The following TAF3 variants were observed in gnomAD, a reference collection of about 807,000 sequenced individuals.
TAF3 encodes the protein transcription initiation factor TFIID subunit 3.
In TAF3, 7 loss-of-function variants were observed where a neutral mutation model predicts 80.6. That is an observed-to-expected ratio of 0.09 (90% confidence interval 0.05 to 0.16). TAF3 has a LOEUF of 0.16. TAF3 is among the 10% of genes least tolerant of loss of function. The pLI, the probability that TAF3 is intolerant of heterozygous loss-of-function variation, is 1.00. For missense variants in TAF3, 921 were observed against 1,140.2 expected (o/e 0.81, Z 2.77); for synonymous variants, 444 against 446.1 (o/e 1.00, Z 0.06).
intron 2 of TAF3, among the ~76,000 whole-genome samples, chr10:7,933,887 C>T (rs552809610): frequency 3.5e-4 from 53 of 152,280 alleles, no homozygotes; most frequent in Non-Finnish European, 2.9e-5. Context: ...GTTTTCCCCC[C>T]GATTTTAGCA....
At chr10:7,826,954 A>G (rs1006933516) in intron 2 of TAF3, among the ~76,000 whole-genome samples, 2 of 152,190 alleles carry the variant, frequency 1.3e-5, no homozygotes, top group Admixed American at 6.5e-5. Flanking sequence ...GCTGTTCACC[A>G]TGCTCTTTAT....
chr10:7,851,954 T>C (rs908846170), intron 2 of TAF3, among the ~76,000 whole-genome samples: 8 of 151,756 alleles, frequency 5.3e-5, no homozygotes, highest in African/African-American at 1.5e-4. Context: ...TTTTTTTTTT[T>C]CTTAATTTTA....
intron 3 of TAF3, among the ~76,000 whole-genome samples, chr10:7,975,753 AT>A (rs1831666305): frequency 1.3e-5 from 2 of 152,236 alleles, no homozygotes; most frequent in Admixed American, 6.5e-5. Context: ...AGAGAAAATA[AT>A]AGATTTGATC....
chr10:7,821,561 C>A (rs1159024803), intron 1 of TAF3, among the ~76,000 whole-genome samples: 4 of 152,164 alleles, frequency 2.6e-5, no homozygotes, highest in African/African-American at 9.7e-5. Context: ...TTAGAAGTTA[C>A]CATTAATTCA....
At chr10:7,981,357 T>A (rs1477991338) in intron 4 of TAF3, among the ~76,000 whole-genome samples, 1 of 152,142 alleles carries the variant, frequency 6.6e-6, no homozygotes, top group African/African-American at 2.4e-5. Flanking sequence ...TTCAGAGCAC[T>A]CCTGCCTTTA....
At chr10:7,865,570 G>A (rs1181942211) in intron 2 of TAF3, among the ~76,000 whole-genome samples, 2 of 152,226 alleles carry the variant, frequency 1.3e-5, no homozygotes, top group African/African-American at 4.8e-5. Context: ...GCTGTGTGGG[G>A]CCTCCCTGGA....
chr10:7,914,433 A>T (rs945715274), intron 2 of TAF3, among the ~76,000 whole-genome samples: 1 of 152,166 alleles, frequency 6.6e-6, no homozygotes, highest in Admixed American at 6.5e-5. Context: ...TGTCGGTAAG[A>T]GTATTTTGTT....
At chr10:7,945,810 A>G (rs1184545246) in intron 2 of TAF3, among the ~76,000 whole-genome samples, 1 of 151,988 alleles carries the variant, frequency 6.6e-6, no homozygotes, top group Non-Finnish European at 1.5e-5. Context: ...TTCTCTCCAC[A>G]CACATTATCC....
chr10:7,848,436 A>G lies in TAF3; in HGVS notation c.409+23876A>G, dbSNP rs998794895. On this transcript the variant is annotated intron_variant, in intron 2 of 6. Coordinates refer to ENST00000344293, the MANE Select transcript of TAF3 (RefSeq NM_031923.4). ...TGTACAGTGTGTTCAGATTAACTTT[A>G]AAGGAGAGTGAGATGTAGGTCTTAA... 2.6e-5 allele frequency among the ~76,000 whole-genome samples: 4 copies of G among 152,172 alleles called. No homozygotes were observed. In the South Asian group the frequency reaches 8.3e-4, roughly 31 times the overall value.
At chr10:7,827,038 A>G (rs1836748823) in intron 2 of TAF3, among the ~76,000 whole-genome samples, 1 of 152,182 alleles carries the variant, frequency 6.6e-6, no homozygotes, top group African/African-American at 2.4e-5. Flanking sequence ...AGGTCCTTCC[A>G]TGGGGTTCCC....
At chr10:7,854,825 G>C (rs1334258881) in intron 2 of TAF3, among the ~76,000 whole-genome samples, 2 of 152,152 alleles carry the variant, frequency 1.3e-5, no homozygotes, top group East Asian at 3.9e-4. Flanking sequence ...GAAGCCATTT[G>C]GAACATTTAG....
At chr10:7,886,800 T>TA (rs112209422) in intron 2 of TAF3, among the ~76,000 whole-genome samples, 49 of 152,384 alleles carry the variant, frequency 3.2e-4, no homozygotes, top group African/African-American at 1.1e-3. Flanking sequence ...GTGTAAGCCT[T>TA]ATTCAGGAAG....
rs376744601 is a variant in TAF3, at chr10:7,965,434, G to A, written c.1924G>A (p.Gly642Ser). The change falls in exon 3 of 7, where the codon GGC becomes AGC. Residue 642 changes from glycine (G) to serine (S), a missense_variant. Coordinates refer to ENST00000344293, the MANE Select transcript of TAF3 (RefSeq NM_031923.4). ...AGAGAAAGAAAAAGTGAAAGATAAA[G>A]GCAGAGAAGATAAGATGAAAGCCCC... ...KREKEKVKDK[G>S]REDKMKAPAP... 1.2e-6 allele frequency: 2 copies of A among 1,613,468 alleles called. No individual in the cohort carries two copies. The highest frequency in any genetic ancestry group is 2.7e-5 in the African/African-American group (2 of 74,852).
chr10:7,913,358 C>A (rs1418101149), intron 2 of TAF3, among the ~76,000 whole-genome samples: 1 of 152,180 alleles, frequency 6.6e-6, no homozygotes, highest in African/African-American at 2.4e-5. Context: ...CAGCCCAAGT[C>A]ACACAGCAGC....
intron 2 of TAF3, among the ~76,000 whole-genome samples, chr10:7,878,697 GTATGTATGTATGTA>G: frequency 2.8e-5 from 1 of 36,302 alleles, no homozygotes; most frequent in East Asian, 3.9e-3. Flanking sequence ...ACCAATGTAT[GTATGTATGTATGTA>G]TGTATGTATG....
At chr10:7,999,093 G>A (rs562534258) in intron 4 of TAF3, among the ~76,000 whole-genome samples, 7 of 152,088 alleles carry the variant, frequency 4.6e-5, no homozygotes, top group African/African-American at 1.7e-4. Flanking sequence ...TAAGCAGATG[G>A]AAGGAAGGTA....
intron 2 of TAF3, among the ~76,000 whole-genome samples, chr10:7,840,310 G>A (rs559031794): frequency 9.8e-4 from 149 of 151,866 alleles, no homozygotes; most frequent in African/African-American, 3.4e-3. Flanking sequence ...CCGCCACCAC[G>A]CCTGGCTAAT....
At chr10:7,993,904 T>TTTA (rs71385686) in intron 4 of TAF3, among the ~76,000 whole-genome samples, 146 of 144,594 alleles carry the variant, frequency 1.0e-3, no homozygotes, top group African/African-American at 3.5e-3. Context: ...TTTTTTTTTT[T>TTTA]ACTTGCCAGT....
chr10:7,823,400 G>A (rs1836708503), intron 1 of TAF3, among the ~76,000 whole-genome samples: 1 of 151,832 alleles, frequency 6.6e-6, no homozygotes, highest in African/African-American at 2.4e-5. Flanking sequence ...GGAGGCAGAG[G>A]CAGGAGGATT....
Sources: allele counts gnomAD v4.1 joint callset (sites outside exome capture counted in the v4.1 genomes callset), GRCh38; gene constraint gnomAD v4.1.1; transcripts MANE v1.5; gene names NCBI Gene and HGNC (gene_info 2026-07-23, HGNC 2026-07-21).